HSF2BP: variants seen among roughly 807,000 people sequenced by gnomAD.
The protein encoded by HSF2BP is heat shock factor 2-binding protein.
In HSF2BP, 35 loss-of-function variants were observed where a neutral mutation model predicts 35.0. That is an observed-to-expected ratio of 1.00 (90% confidence interval 0.76 to 1.32). The LOEUF (loss-of-function observed/expected upper bound fraction) is 1.32, where lower values mean the gene tolerates loss of function less well. HSF2BP is among the 40% of genes most tolerant of loss of function. The pLI, the probability that HSF2BP is intolerant of heterozygous loss-of-function variation, is 0.00. For synonymous variants in HSF2BP, 114 were observed against 117.4 expected, an observed-to-expected ratio of 0.97 and a Z score of 0.18; for missense variants, 326 against 321.7, an observed-to-expected ratio of 1.01 and a Z score of -0.10.
At chr21:43,579,012 AT>A (rs1361611037) in intron 8 of HSF2BP, among the ~76,000 whole-genome samples, 9 of 152,258 alleles carry the variant, frequency 5.9e-5, no homozygotes, top group Non-Finnish European at 1.3e-4. Flanking sequence ...CACAAATGGT[AT>A]ATTTGTATCC....
In HSF2BP at chr21:43,620,650, G is replaced by C. The variant is rs943602977; in HGVS notation, c.575-6703C>G. ...TTCGAGGTTGCAGTGAGCTAGAATT[G>C]TACCACCAGACTCCAGCCTGGGTAA... On this transcript the variant is annotated intron_variant, in intron 6 of 8. Transcript: ENST00000291560. Among the ~76,000 whole-genome samples the C allele has an allele frequency of 2.0e-4, 31 of 152,182 alleles. 1 individual carries two copies. The highest frequency in any genetic ancestry group is 7.0e-4 in the African/African-American group (29 of 41,522).
intron 8 of HSF2BP, among the ~76,000 whole-genome samples, chr21:43,577,399 A>C (rs182644533): frequency 6.6e-6 from 1 of 152,378 alleles, no homozygotes; most frequent in East Asian, 1.9e-4. Context: ...CTAAAAGTAC[A>C]AAACTTCAGC....
Position 43,609,564 on chromosome 21 carries a change from G to T in HSF2BP, c.692+4266C>A, listed in dbSNP as rs114342540. 7.2e-3 allele frequency among the ~76,000 whole-genome samples: 1,102 copies of T among 152,248 alleles called. 18 individuals are homozygous for T. Among genetic ancestry groups the T allele is most frequent in the African/African-American group, 0.025 (1,043 of 41,526 alleles). On this transcript the variant is annotated intron_variant, in intron 7 of 8. Coordinates refer to ENST00000291560, the MANE Select transcript of HSF2BP (RefSeq NM_007031.2). The stretch of plus-strand genomic sequence containing the variant: ...GTGGCAGTGAAAGTGTAGTTCCCCA[G>T]AGAGAGGCAAGCTATACACAAGGCA...
At chr21:43,506,153 T>C in the HSF2BP span, among the ~76,000 whole-genome samples, 1 of 130,524 alleles carries the variant, frequency 7.7e-6, no homozygotes, top group Non-Finnish European at 1.7e-5. Context: ...AAAGCACCAC[T>C]GGGGAGAGGC....
chr21:43,598,530 G>A (rs2082014139), intron 7 of HSF2BP, among the ~76,000 whole-genome samples: 1 of 151,796 alleles, frequency 6.6e-6, no homozygotes, highest in African/African-American at 2.4e-5. Context: ...CCGACCATGG[G>A]TACTTTCAAA....
chr21:43,600,869 C>T (rs1185528284), intron 7 of HSF2BP, among the ~76,000 whole-genome samples: 1 of 152,222 alleles, frequency 6.6e-6, no homozygotes, highest in Non-Finnish European at 1.5e-5. Flanking sequence ...CCACGCATTG[C>T]TAATACTTTA....
At chr21:43,650,685 T>C (rs1029785209) in intron 3 of HSF2BP, among the ~76,000 whole-genome samples, 6 of 150,486 alleles carry the variant, frequency 4.0e-5, no homozygotes, top group Non-Finnish European at 8.9e-5. Context: ...GAGGTTCCTA[T>C]AGTGTTTTCA....
intron 7 of HSF2BP, among the ~76,000 whole-genome samples, chr21:43,613,383 C>T (rs866254245): frequency 2.0e-5 from 3 of 152,324 alleles, no homozygotes; most frequent in Middle Eastern, 6.8e-3. Flanking sequence ...AAAGATCCCA[C>T]CCTGGAAAAC....
intron 3 of HSF2BP, among the ~76,000 whole-genome samples, chr21:43,646,416 A>G (rs2082709374): frequency 6.6e-6 from 1 of 152,224 alleles, no homozygotes; most frequent in Admixed American, 6.5e-5. Context: ...CATATGAAAT[A>G]CCACCTATGG....
the HSF2BP span, among the ~76,000 whole-genome samples, chr21:43,467,949 CACACCACACTT>C: frequency 3.3e-5 from 4 of 120,506 alleles, no homozygotes; most frequent in South Asian, 2.9e-4. Context: ...ACACACCACA[CACACCACACTT>C]ACACCACACA....
chr21:43,620,123 A>T (rs1384830864), intron 6 of HSF2BP, among the ~76,000 whole-genome samples: 2 of 152,236 alleles, frequency 1.3e-5, no homozygotes, highest in Non-Finnish European at 2.9e-5. Context: ...ATATCCAATA[A>T]AAAACAAAAT....
intron 6 of HSF2BP, among the ~76,000 whole-genome samples, chr21:43,620,013 T>C (rs2082313871): frequency 6.6e-6 from 1 of 152,192 alleles, no homozygotes; most frequent in South Asian, 2.1e-4. Context: ...AAGGTAAACC[T>C]GGGCTTAAGG....
At chr21:43,658,738 G>A (rs1244387137) in intron 1 of HSF2BP, among the ~76,000 whole-genome samples, 2 of 152,240 alleles carry the variant, frequency 1.3e-5, no homozygotes, top group Non-Finnish European at 2.9e-5. Flanking sequence ...CTGGAAGCGC[G>A]CGTGCTCGCC....
At chr21:43,603,725 G>A (rs2082079186) in intron 7 of HSF2BP, among the ~76,000 whole-genome samples, 1 of 152,154 alleles carries the variant, frequency 6.6e-6, no homozygotes, top group Admixed American at 6.5e-5. Context: ...GCCACCATAT[G>A]CTGGAAGTTC....
At chr21:43,611,234 AGACTCTGTCTC>A (rs976733528) in intron 7 of HSF2BP, among the ~76,000 whole-genome samples, 1 of 152,160 alleles carries the variant, frequency 6.6e-6, no homozygotes, top group African/African-American at 2.4e-5. Context: ...TTACAAAGCA[AGACTCTGTCTC>A]AAAAAAAAAA....
intron 6 of HSF2BP, among the ~76,000 whole-genome samples, chr21:43,623,366 A>T (rs1186103308): frequency 6.6e-6 from 1 of 152,198 alleles, no homozygotes; most frequent in East Asian, 1.9e-4. Flanking sequence ...AAGTAGAATG[A>T]CTCCAAATAA....
intron 6 of HSF2BP, among the ~76,000 whole-genome samples, chr21:43,624,130 G>A (rs757983464): frequency 3.3e-5 from 5 of 152,168 alleles, no homozygotes; most frequent in East Asian, 1.9e-4. Flanking sequence ...ATTCCACCCC[G>A]AGGTAGATAC....
chr21:43,655,065 T>G (rs547189402), intron 3 of HSF2BP, among the ~76,000 whole-genome samples: 1 of 152,358 alleles, frequency 6.6e-6, no homozygotes, highest in East Asian at 1.9e-4. Flanking sequence ...GGTTTGATTT[T>G]GGCAGCGGGA....
rs1217717999 is a variant in HSF2BP, at chr21:43,641,917, A to AG, written c.291+2371_291+2372insC. Among the ~76,000 whole-genome samples the AG allele has an allele frequency of 4.0e-5, 6 of 148,648 alleles. No individual in the cohort carries two copies. In the East Asian group the frequency reaches 1.2e-3, roughly 29 times the overall value. ...GACGACAGAGCAAGACTCTGTCTCA[A>AG]AAAAAAAAAAAAAAAAGTACTTACT... On this transcript the variant is annotated intron_variant, in intron 4 of 8. Coordinates refer to ENST00000291560, the MANE Select transcript of HSF2BP (RefSeq NM_007031.2).
Sources: gnomAD v4.1 joint callset for allele counts (sites outside exome capture counted in the v4.1 genomes callset) on GRCh38, gnomAD v4.1.1 for gene constraint, MANE v1.5 for transcripts, NCBI Gene and HGNC (gene_info 2026-07-23, HGNC 2026-07-21) for gene names.